ATP8B4: variants seen among roughly 807,000 people sequenced by gnomAD.
The protein encoded by ATP8B4 is probable phospholipid-transporting ATPase IM.
A neutral mutation model predicts 145.6 loss-of-function variants in ATP8B4; 133 were observed. That is an observed-to-expected ratio of 0.91 (90% CI 0.79 to 1.05). The LOEUF (loss-of-function observed/expected upper bound fraction) is 1.05, where lower values mean the gene tolerates loss of function less well. Among genes scored for constraint, ATP8B4 ranks in the 50% least tolerant of loss-of-function variants. The pLI is 0.00. For synonymous variants in ATP8B4, 507 were observed against 492.9 expected (o/e 1.03, Z -0.38); for missense variants, 1,458 against 1,425.2 (o/e 1.02, Z -0.37).
At chr15:50,112,338 G>A (rs1181966914) in intron 1 of ATP8B4, among the ~76,000 whole-genome samples, 1 of 152,018 alleles carries the variant, frequency 6.6e-6, no homozygotes, top group African/African-American at 2.4e-5. Flanking sequence ...TGAGAGCCTA[G>A]GGAGTAACTG....
At chr15:50,156,284 G>T in intron 1 of ATP8B4, among the ~76,000 whole-genome samples, 1 of 151,352 alleles carries the variant, frequency 6.6e-6, no homozygotes, top group South Asian at 2.1e-4. Flanking sequence ...AGAGATACTT[G>T]ATATAATTGC....
chr15:50,180,101 C>G (rs2044823303), intron 1 of ATP8B4, among the ~76,000 whole-genome samples: 1 of 152,160 alleles, frequency 6.6e-6, no homozygotes. Flanking sequence ...TGGGTGAGCG[C>G]TGATTGGCTT....
At chr15:49,979,942 C>T (rs1184156513) in intron 11 of ATP8B4, 129 bp from the exon 12 acceptor site, 17 of 566,586 alleles carry the variant, frequency 3.0e-5, no homozygotes, top group Non-Finnish European at 4.7e-5. Context: ...CTCTTCTTAC[C>T]ATTAATCATA....
chr15:50,039,696 T>C (rs564443441), intron 5 of ATP8B4, among the ~76,000 whole-genome samples: 2 of 152,196 alleles, frequency 1.3e-5, no homozygotes, highest in African/African-American at 2.4e-5. Context: ...TTCGATTTCA[T>C]AGACTTTAAT....
chr15:50,037,964 C>T (rs962308585), intron 6 of ATP8B4, among the ~76,000 whole-genome samples: 2 of 152,172 alleles, frequency 1.3e-5, no homozygotes, highest in Non-Finnish European at 2.9e-5. Context: ...TCACATATGG[C>T]TAATTCATTT....
chr15:49,866,489 A>G lies in ATP8B4; in HGVS notation c.3028-5T>C. On this transcript the variant is annotated splice_polypyrimidine_tract_variant and splice_region_variant and intron_variant, in intron 25 of 27. Coordinates refer to ENST00000284509, the MANE Select transcript of ATP8B4 (RefSeq NM_024837.4). The stretch of plus-strand genomic sequence containing the variant: ...GTAACTGGTATCCAAGGCTATCTGT[A>G]AATAAAATCAAATGCAAACGGGAGG... 1 of 1,612,878 alleles carries G rather than the reference A, an allele frequency of 6.2e-7. No individual in the cohort carries two copies. The highest frequency in any genetic ancestry group is 8.5e-7 in the Non-Finnish European group (1 of 1,179,042).
chr15:49,901,675 A>T, intron 20 of ATP8B4: 1 of 305,286 alleles, frequency 3.3e-6, no homozygotes. Context: ...TCTATATATA[A>T]AATAAATTCA....
intron 14 of ATP8B4, among the ~76,000 whole-genome samples, chr15:49,960,032 G>GT: frequency 8.4e-6 from 1 of 119,160 alleles, no homozygotes. Context: ...TAATTTTTTT[G>GT]GTTTTTTTTT....
At chr15:49,932,473 C>T (rs559069224) in intron 15 of ATP8B4, among the ~76,000 whole-genome samples, 180 of 152,060 alleles carry the variant, frequency 1.2e-3, no homozygotes, top group Non-Finnish European at 1.9e-3. Context: ...TTGATCTACC[C>T]ACGAAATAAC....
chr15:50,065,028 G>C (rs11636226), intron 3 of ATP8B4, among the ~76,000 whole-genome samples: 1 of 151,940 alleles, frequency 6.6e-6, no homozygotes, highest in Non-Finnish European at 1.5e-5. Flanking sequence ...ATGACAATTC[G>C]ACATGAGATT....
At chr15:50,086,251 C>A (rs1274202515) in intron 2 of ATP8B4, among the ~76,000 whole-genome samples, 5 of 88,430 alleles carry the variant, frequency 5.7e-5, no homozygotes, top group South Asian at 6.9e-4. Flanking sequence ...ATATAGAGAT[C>A]TATATTTATT....
intron 16 of ATP8B4, among the ~76,000 whole-genome samples, chr15:49,924,601 A>G (rs1374271601): frequency 1.3e-5 from 2 of 152,152 alleles, no homozygotes; most frequent in East Asian, 1.9e-4. Context: ...AAATATAAAA[A>G]CCAAAATACA....
intron 23 of ATP8B4, chr15:49,885,858 T>C (rs2036124668): frequency 6.6e-6 from 1 of 152,380 alleles, no homozygotes; most frequent in African/African-American, 2.4e-5. Context: ...TCTGGAACTT[T>C]CCTCCTGTTG....
intron 1 of ATP8B4, among the ~76,000 whole-genome samples, chr15:50,148,209 C>T (rs1227830069): frequency 7.9e-6 from 1 of 126,142 alleles, no homozygotes; most frequent in African/African-American, 3.3e-5. Flanking sequence ...AAAATACTGG[C>T]CTGGACTCCA....
At chr15:50,092,652 A>G (rs1292335299) in intron 2 of ATP8B4, among the ~76,000 whole-genome samples, 1 of 152,008 alleles carries the variant, frequency 6.6e-6, no homozygotes, top group African/African-American at 2.4e-5. Flanking sequence ...TGGTCAGTAG[A>G]AAATATGAAA....
chr15:49,944,856 C>G (rs1177697715), intron 14 of ATP8B4, among the ~76,000 whole-genome samples: 2 of 152,076 alleles, frequency 1.3e-5, no homozygotes, highest in Non-Finnish European at 2.9e-5. Context: ...AAGATTATGT[C>G]AAATATATTT....
At chr15:50,116,620 G>A (rs546903865) in intron 1 of ATP8B4, among the ~76,000 whole-genome samples, 35 of 152,286 alleles carry the variant, frequency 2.3e-4, no homozygotes, top group African/African-American at 8.4e-4. Flanking sequence ...AAAGAGAGGT[G>A]AGGAAAGGAC....
intron 2 of ATP8B4, among the ~76,000 whole-genome samples, chr15:50,104,461 C>T (rs28791800): frequency 8.2e-4 from 124 of 152,124 alleles, no homozygotes; most frequent in African/African-American, 2.9e-3. Context: ...ATACAAATGG[C>T]CAACAAATAT....
intron 14 of ATP8B4, among the ~76,000 whole-genome samples, chr15:49,949,605 C>T (rs1057265182): frequency 5.3e-5 from 8 of 152,148 alleles, no homozygotes; most frequent in South Asian, 2.1e-4. Flanking sequence ...AAAATCATAT[C>T]GTATGCCAAC....
Sources: allele counts gnomAD v4.1 joint callset (sites outside exome capture counted in the v4.1 genomes callset), GRCh38; gene constraint gnomAD v4.1.1; transcripts MANE v1.5; gene names NCBI Gene and HGNC (gene_info 2026-07-23, HGNC 2026-07-21).